The following USP43 variants were observed in gnomAD, a reference collection of about 807,000 sequenced individuals.
USP43 encodes ubiquitin carboxyl-terminal hydrolase 43.
Under a neutral mutation model 90.7 loss-of-function variants are expected in USP43, and 33 were observed. The ratio of observed to expected loss-of-function variants is 0.36; its 90% CI spans 0.28 to 0.49. USP43 has a LOEUF of 0.49. Among genes scored for constraint, USP43 ranks in the 20% least tolerant of loss-of-function variants. The pLI is 0.98. For synonymous variants in USP43, 598 were observed against 615.8 expected (o/e 0.97, Z 0.43); for missense variants, 1,274 against 1,476.4 (o/e 0.86, Z 2.25).
Position 9,674,331 on chromosome 17 carries a change from G to A in USP43, c.741-560G>A, listed in dbSNP as rs1376701423. Among the ~76,000 whole-genome samples, 1 of 152,132 alleles carries A rather than the reference G, an allele frequency of 6.6e-6. No individual in the cohort carries two copies. Among genetic ancestry groups the A allele is most frequent in the African/African-American group, 2.4e-5 (1 of 41,408 alleles). ...TCTAAAGCGTACAAATCAGTGACAT[G>A]TACATTCACAGTGTTGTGCAGCTAC... On this transcript the variant is annotated intron_variant, in intron 3 of 14. Coordinates refer to ENST00000285199, the MANE Select transcript of USP43 (RefSeq NM_153210.5). The surrounding 1 kb of genome is among the most constrained non-coding windows in gnomAD (Gnocchi z 4.4).
At chr17:9,658,570 A>G (rs1912423581) in intron 2 of USP43, among the ~76,000 whole-genome samples, 2 of 152,208 alleles carry the variant, frequency 1.3e-5, no homozygotes, top group Admixed American at 6.5e-5. Flanking sequence ...CAATCACCAC[A>G]GTAAAACCTG....
At chr17:9,677,218 G>C (rs274908) in intron 5 of USP43, among the ~76,000 whole-genome samples, 1 of 152,116 alleles carries the variant, frequency 6.6e-6, no homozygotes, top group African/African-American at 2.4e-5. Context: ...AATCACAGGC[G>C]TCCTGTGAAG....
At position 9,698,046 on chromosome 17, in the gene USP43, G is replaced by A. The variant is rs539062208; in HGVS notation, c.1458-2126G>A. 2.6e-5 allele frequency among the ~76,000 whole-genome samples: 4 copies of A among 152,240 alleles called. No homozygotes were observed. The South Asian group carries it at 8.3e-4, about 32-fold the overall frequency. ...AATAGCCATCTGCTGATGTGAGATG[G>A]TATTTCACTGTGGCTTTAATTTGCA... On this transcript the variant is annotated intron_variant, in intron 9 of 14. Coordinates refer to ENST00000285199, the MANE Select transcript of USP43 (RefSeq NM_153210.5).
intron 3 of USP43, among the ~76,000 whole-genome samples, chr17:9,668,460 T>C (rs1913186359): frequency 6.6e-6 from 1 of 152,272 alleles, no homozygotes; most frequent in Admixed American, 6.5e-5. Context: ...ATATAATTAC[T>C]GTCTTTAGAG....
At chr17:9,696,142 G>GTT (rs199638692) in intron 9 of USP43, among the ~76,000 whole-genome samples, 1 of 150,682 alleles carries the variant, frequency 6.6e-6, no homozygotes, top group African/African-American at 2.4e-5. Context: ...GTTTTGTTTT[G>GTT]TTTGTTTTTT....
Position 9,674,775 on chromosome 17 carries a change from T to G in USP43, c.741-116T>G, listed in dbSNP as rs1913655143. 1.2e-6 allele frequency: 1 copy of G among 824,080 alleles called. No individual in the cohort carries two copies. The highest frequency in any genetic ancestry group is 2.3e-4 in the Middle Eastern group (1 of 4,354). The allele number at this position is 824,080 out of a possible 1,614,324, so 51.0% of individuals were successfully genotyped here. ...CACCTGTTCTCAATTCTTCTGGGTATGTACCTACGAGTGGAATCACAGGGA... is the reference window on the plus strand; with the variant it reads ...CACCTGTTCTCAATTCTTCTGGGTAGGTACCTACGAGTGGAATCACAGGGA... On this transcript the variant is annotated intron_variant, in intron 3 of 14. Transcript: ENST00000285199. This position sits in a 1 kb window ranked among gnomAD's most constrained non-coding sequence, Gnocchi z 4.4.
chr17:9,700,378 G>A (rs1335089858), intron 10 of USP43, 129 bp downstream of exon 10: 6 of 781,850 alleles, frequency 7.7e-6, no homozygotes, highest in African/African-American at 3.5e-5. Flanking sequence ...AGTGTAACCC[G>A]TTCCTGTGAG....
intron 6 of USP43, among the ~76,000 whole-genome samples, chr17:9,681,468 A>ATATT (rs1914261656): frequency 7.0e-5 from 1 of 14,326 alleles, no homozygotes. Context: ...TATATTATAT[A>ATATT]TATATATATA....
chr17:9,723,834 C>T (rs1273187684), intron 14 of USP43, among the ~76,000 whole-genome samples: 1 of 151,908 alleles, frequency 6.6e-6, no homozygotes, highest in Non-Finnish European at 1.5e-5. Flanking sequence ...GTCTTGAACT[C>T]CTGACCTCAG....
chr17:9,711,389 C>T (rs1916187179), intron 13 of USP43, among the ~76,000 whole-genome samples: 1 of 152,184 alleles, frequency 6.6e-6, no homozygotes, highest in Non-Finnish European at 1.5e-5. Flanking sequence ...GAAAGCATTT[C>T]AAAACTTGTC....
At chr17:9,647,903 C>T (rs1911565464) in intron 1 of USP43, among the ~76,000 whole-genome samples, 1 of 151,674 alleles carries the variant, frequency 6.6e-6, no homozygotes, top group East Asian at 1.9e-4. Flanking sequence ...CGCCTGTAGT[C>T]CCAGCTACTG....
At chr17:9,685,363 G>T (rs759049104) in intron 7 of USP43, among the ~76,000 whole-genome samples, 5 of 152,188 alleles carry the variant, frequency 3.3e-5, no homozygotes, top group Non-Finnish European at 5.9e-5. Context: ...GCTCACTGCT[G>T]TGCGCTTACT....
Position 9,645,870 on chromosome 17 carries a change from C to T in USP43, c.238C>T (p.Pro80Ser). The T allele has an allele frequency of 1.4e-6, 2 of 1,425,184 alleles. No individual in the cohort carries two copies. Among genetic ancestry groups the T allele is most frequent in the Admixed American group, 3.5e-5 (1 of 28,696 alleles). 88.3% of individuals were successfully genotyped at this position (1,425,184 alleles called of 1,614,324 possible). ...CCCCGGGAGCCCCGGGGAGGAACGCCCGCCCGGACCCCAGCCCCAGCTCCA... is the reference window on the plus strand; with the variant it reads ...CCCCGGGAGCCCCGGGGAGGAACGCTCGCCCGGACCCCAGCCCCAGCTCCA... ...AAPGSPGEERPPGPQPQLQLP... is the reference protein window; with the variant it reads ...AAPGSPGEERSPGPQPQLQLP... The change falls in exon 1 of 15, where the codon CCG becomes TCG. Residue 80 changes from proline (P) to serine (S), a missense_variant. Pro to Ser is a moderately conservative substitution (Grantham distance 74). Around this residue, in one of 6 missense-constraint regions of USP43, gnomAD observed 259 missense variants for 373.7 expected, o/e 0.69. Coordinates refer to ENST00000285199, the MANE Select transcript of USP43 (RefSeq NM_153210.5). The surrounding 1 kb of genome is among the most constrained non-coding windows in gnomAD (Gnocchi z 6.8).
Position 9,674,801 on chromosome 17 carries a change from G to C in USP43, c.741-90G>C. ...GTACCTACGAGTGGAATCACAGGGAGTGGAAATGCAAGGATAATTCTGTAT... is the reference window on the plus strand; with the variant it reads ...GTACCTACGAGTGGAATCACAGGGACTGGAAATGCAAGGATAATTCTGTAT... On this transcript the variant is annotated intron_variant, in intron 3 of 14. Transcript: ENST00000285199. This position sits in a 1 kb window ranked among gnomAD's most constrained non-coding sequence, Gnocchi z 4.4. 1 of 1,056,304 alleles carries C rather than the reference G, an allele frequency of 9.5e-7. No individual in the cohort carries two copies. Among genetic ancestry groups the C allele is most frequent in the Admixed American group, 1.7e-5 (1 of 57,754 alleles). 65.4% of individuals were successfully genotyped at this position (1,056,304 alleles called of 1,614,324 possible). A position where few individuals can be genotyped will look rare whatever the true frequency, so the allele number is the denominator to read the frequency against.
rs780591864 is a variant in USP43, at chr17:9,701,145, G to C, written c.1562G>C (p.Arg521Pro). The C allele has an allele frequency of 6.7e-7, 1 of 1,494,890 alleles. No homozygotes were observed. The highest frequency in any genetic ancestry group is 2.4e-5 in the East Asian group (1 of 41,668). 92.6% of individuals were successfully genotyped at this position (1,494,890 alleles called of 1,614,324 possible). Reference protein sequence around the residue: ...ERLFGSLQEERAQDADSVWQQ... With the variant: ...ERLFGSLQEEPAQDADSVWQQ... ...CTGTTCGGGAGCCTCCAGGAGGAGC[G>C]AGCGCAGGATGCCGACAGTGTGTGG... The change falls in exon 11 of 15, where the codon CGA becomes CCA. Residue 521 changes from arginine to proline, a missense_variant. Coordinates refer to ENST00000285199, the MANE Select transcript of USP43 (RefSeq NM_153210.5). This position sits in a 1 kb window ranked among gnomAD's most constrained non-coding sequence, Gnocchi z 7.2.
intron 1 of USP43, among the ~76,000 whole-genome samples, chr17:9,652,553 G>C (rs1428619607): frequency 6.6e-6 from 1 of 151,922 alleles, no homozygotes; most frequent in Non-Finnish European, 1.5e-5. Context: ...AGTAGAGACG[G>C]GGTTTCACCT....
Position 9,646,840 on chromosome 17 carries a change from A to G in USP43, c.504+704A>G, listed in dbSNP as rs1911440216. ...GTGAGCGTGCTATTTTGGAGATAGC[A>G]TCCTTTTGTTTAAGGCGCATTCAAT... On this transcript the variant is annotated intron_variant, in intron 1 of 14. Coordinates refer to ENST00000285199, the MANE Select transcript of USP43 (RefSeq NM_153210.5). 2.0e-5 allele frequency among the ~76,000 whole-genome samples: 3 copies of G among 152,146 alleles called. No homozygotes were observed. The South Asian group carries it at 6.2e-4, about 32-fold the overall frequency.
chr17:9,711,843 T>G, intron 13 of USP43, 125 bp from the exon 14 acceptor site: 1 of 1,140,188 alleles, frequency 8.8e-7, no homozygotes, highest in Non-Finnish European at 1.2e-6. Flanking sequence ...TGCAGTTCTG[T>G]TCTGGTTCTG....
In USP43 at chr17:9,662,298, C is replaced by G. The variant is rs12103718; in HGVS notation, c.637-4350C>G. On this transcript the variant is annotated intron_variant, in intron 2 of 14. Transcript: ENST00000285199. Reference sequence around the variant, plus strand: ...GTGGATACGGGGCAGTCAAAATAGGCTAGGGTCCGCTATGCATCCAAGTTA... The same window carrying G: ...GTGGATACGGGGCAGTCAAAATAGGGTAGGGTCCGCTATGCATCCAAGTTA... 2.0e-3 allele frequency among the ~76,000 whole-genome samples: 307 copies of G among 152,250 alleles called. 1 individual carries two copies. The highest frequency in any genetic ancestry group is 7.2e-3 in the African/African-American group (300 of 41,564).
Sources: allele counts gnomAD v4.1 joint callset (sites outside exome capture counted in the v4.1 genomes callset), GRCh38; gene constraint gnomAD v4.1.1; regional missense constraint gnomAD v4.1.1; non-coding constraint Gnocchi (gnomAD v3.1); transcripts MANE v1.5; gene names NCBI Gene and HGNC (gene_info 2026-07-23, HGNC 2026-07-21).